The following GRID2 variants were observed in gnomAD, a reference collection of about 807,000 sequenced individuals.
GRID2 encodes glutamate ionotropic receptor delta type subunit 2.
In GRID2, 33 loss-of-function variants were observed where a neutral mutation model predicts 114.8. That is an observed-to-expected ratio of 0.29 (90% CI 0.22 to 0.38). GRID2 has a LOEUF of 0.38. GRID2 is among the 10% of genes least tolerant of loss of function. The pLI, the probability that GRID2 is intolerant of heterozygous loss-of-function variation, is 1.00. For missense variants in GRID2, 1,184 were observed against 1,257.7 expected, an observed-to-expected ratio of 0.94 and a Z score of 0.89; for synonymous variants, 505 against 449.9, an observed-to-expected ratio of 1.12 and a Z score of -1.55.
intron 2 of GRID2, among the ~76,000 whole-genome samples, chr4:92,879,540 G>A (rs1257654988): frequency 2.0e-5 from 3 of 152,172 alleles, no homozygotes; most frequent in Non-Finnish European, 4.4e-5. Context: ...TTCTGGAAGT[G>A]TTATCTTCTG....
At chr4:93,106,664 A>G (rs528208797) in intron 3 of GRID2, among the ~76,000 whole-genome samples, 2 of 152,234 alleles carry the variant, frequency 1.3e-5, no homozygotes, top group Admixed American at 1.3e-4. Context: ...CAGCTCATAA[A>G]GAGCATGGCT....
Position 92,950,567 on chromosome 4 carries a change from T to C in GRID2, c.245-134428T>C, listed in dbSNP as rs546085073. On this transcript the variant is annotated intron_variant, in intron 2 of 15. Transcript: ENST00000282020. ...CAGAATTAGTACTTGGGGAATCTCC[T>C]ACTTCAGTCCCAGAAGAAACTGGGT... Among the ~76,000 whole-genome samples, 5 of 152,294 alleles carry C rather than the reference T, an allele frequency of 3.3e-5. No individual in the cohort carries two copies. The South Asian group carries it at 1.0e-3, about 32-fold the overall frequency.
chr4:93,363,542 A>G (rs1436429930), intron 8 of GRID2, among the ~76,000 whole-genome samples: 1 of 152,010 alleles, frequency 6.6e-6, no homozygotes, highest in East Asian at 1.9e-4. Flanking sequence ...TTTTTTTCTA[A>G]TTAATTCTTG....
At chr4:92,849,134 C>T (rs1167175893) in intron 2 of GRID2, among the ~76,000 whole-genome samples, 1 of 151,852 alleles carries the variant, frequency 6.6e-6, no homozygotes, top group Non-Finnish European at 1.5e-5. Flanking sequence ...TTTACCCCAG[C>T]ACTGAATTGA....
intron 9 of GRID2, among the ~76,000 whole-genome samples, chr4:93,397,172 G>A (rs890861034): frequency 1.3e-5 from 2 of 151,864 alleles, no homozygotes; most frequent in Non-Finnish European, 2.9e-5. Flanking sequence ...TTCTATGAAA[G>A]GACATTCAAG....
chr4:92,876,252 A>T lies in GRID2; in HGVS notation c.245-208743A>T, dbSNP rs754344229. Among the ~76,000 whole-genome samples, 542 of 151,182 alleles carry T rather than the reference A, an allele frequency of 3.6e-3. 4 individuals are homozygous for T. Among genetic ancestry groups the T allele is most frequent in the Admixed American group, 5.6e-3 (85 of 15,188 alleles). Reference sequence around the variant, plus strand: ...CAGCAAATTTATAAATTATGAAATTAAAAAAACCCAATTATCTTTTTTTTT... The same window carrying T: ...CAGCAAATTTATAAATTATGAAATTTAAAAAACCCAATTATCTTTTTTTTT... On this transcript the variant is annotated intron_variant, in intron 2 of 15. Coordinates refer to ENST00000282020, the MANE Select transcript of GRID2 (RefSeq NM_001510.4).
chr4:92,949,615 T>A (rs1230003445), intron 2 of GRID2, among the ~76,000 whole-genome samples: 1 of 151,338 alleles, frequency 6.6e-6, no homozygotes, highest in Non-Finnish European at 1.5e-5. Context: ...AGCAATGATC[T>A]AGTATGAAAG....
intron 4 of GRID2, among the ~76,000 whole-genome samples, chr4:93,112,947 C>T (rs998910990): frequency 2.6e-5 from 4 of 152,020 alleles, no homozygotes; most frequent in African/African-American, 4.8e-5. Context: ...ATTTGATTAC[C>T]TCTGTAAAGA....
chr4:92,600,252 G>A (rs542794680), intron 2 of GRID2, among the ~76,000 whole-genome samples: 7 of 151,474 alleles, frequency 4.6e-5, no homozygotes, highest in Non-Finnish European at 1.0e-4. Flanking sequence ...AGAAAGTTCT[G>A]AAGTGGTCTC....
At chr4:93,555,028 C>T (rs948195551) in intron 13 of GRID2, among the ~76,000 whole-genome samples, 6 of 152,094 alleles carry the variant, frequency 3.9e-5, no homozygotes, top group African/African-American at 1.4e-4. Context: ...CTCACCTAGC[C>T]AAGGGAAGCT....
At chr4:93,473,192 A>G (rs1009758246) in intron 11 of GRID2, among the ~76,000 whole-genome samples, 1 of 152,038 alleles carries the variant, frequency 6.6e-6, no homozygotes, top group Non-Finnish European at 1.5e-5. Flanking sequence ...CTTCCCTTTT[A>G]TTATATGTTT....
In GRID2 at chr4:93,675,681, C is replaced by T. The variant is rs916465260; in HGVS notation, c.2360+49246C>T. 4.6e-5 allele frequency among the ~76,000 whole-genome samples: 7 copies of T among 152,302 alleles called. No homozygotes were observed. In the South Asian group the frequency reaches 1.4e-3, roughly 32 times the overall value. ...TCACACATCTAACCACTTTGCTCTA[C>T]TATCTCTTAAGAGCAGTGAAAGATT... is the stretch of plus-strand genomic sequence containing the variant. On this transcript the variant is annotated intron_variant, in intron 14 of 15. Transcript: ENST00000282020.
rs1319704828 is a variant in GRID2 at position 92,713,484 on chromosome 4, T to TATATAC, written c.244+123203_244+123204insCATATA. ...ATTTACATATACATATACATATATA[T>TATATAC]ATATATATATATATATATATATATA... is the stretch of plus-strand genomic sequence containing the variant. On this transcript the variant is annotated intron_variant, in intron 2 of 15. Transcript: ENST00000282020. Among the ~76,000 whole-genome samples the TATATAC allele has an allele frequency of 7.1e-5, 7 of 98,336 alleles. No homozygotes were observed. In the East Asian group the frequency reaches 1.7e-3, roughly 23 times the overall value. 64.5% of individuals were successfully genotyped at this position (98,336 alleles called of 152,430 possible).
intron 14 of GRID2, among the ~76,000 whole-genome samples, chr4:93,741,338 T>C (rs915170176): frequency 3.3e-5 from 5 of 151,366 alleles, no homozygotes; most frequent in Non-Finnish European, 5.9e-5. Flanking sequence ...TGGCAATGAG[T>C]GTTAACATTT....
intron 2 of GRID2, among the ~76,000 whole-genome samples, chr4:92,903,462 T>A (rs1372867980): frequency 1.3e-5 from 2 of 152,004 alleles, no homozygotes; most frequent in Non-Finnish European, 1.5e-5. Flanking sequence ...ACCCACACAT[T>A]AAGAATATTT....
intron 1 of GRID2, among the ~76,000 whole-genome samples, chr4:92,480,213 A>C (rs1340981191): frequency 6.6e-6 from 1 of 152,174 alleles, no homozygotes; most frequent in Non-Finnish European, 1.5e-5. Flanking sequence ...TAGAAAGGAA[A>C]GAAATGGAAT....
intron 1 of GRID2, among the ~76,000 whole-genome samples, chr4:92,407,488 G>T (rs1396553502): frequency 6.6e-6 from 1 of 152,102 alleles, no homozygotes; most frequent in Non-Finnish European, 1.5e-5. Context: ...TATTTTTTAA[G>T]TTCTTTGGGA....
intron 2 of GRID2, among the ~76,000 whole-genome samples, chr4:92,909,935 TA>T (rs1445318016): frequency 6.6e-6 from 1 of 152,148 alleles, no homozygotes; most frequent in Non-Finnish European, 1.5e-5. Context: ...CTTAGACACT[TA>T]CTTTACCTAG....
chr4:93,473,306 T>G (rs1392460254), intron 11 of GRID2, among the ~76,000 whole-genome samples: 1 of 152,212 alleles, frequency 6.6e-6, no homozygotes, highest in African/African-American at 2.4e-5. Context: ...TTAAATGATA[T>G]GTATGCATCT....
Sources: gnomAD v4.1 joint callset for allele counts (sites outside exome capture counted in the v4.1 genomes callset) on GRCh38, gnomAD v4.1.1 for gene constraint, MANE v1.5 for transcripts, NCBI Gene and HGNC (gene_info 2026-07-23, HGNC 2026-07-21) for gene names.